Variants in RFX4 observed in about 807,000 individuals in gnomAD.
RFX4 encodes the protein regulatory factor X4.
In RFX4, 10 loss-of-function variants were observed where a neutral mutation model predicts 95.0. That is an observed-to-expected ratio of 0.11 (90% confidence interval 0.06 to 0.18). The LOEUF (loss-of-function observed/expected upper bound fraction) is 0.18. Among genes scored for constraint, RFX4 ranks in the 10% least tolerant of loss-of-function variants. The pLI is 1.00. For missense variants in RFX4, 640 were observed against 922.0 expected (o/e 0.69, Z 3.96); for synonymous variants, 321 against 340.7 (o/e 0.94, Z 0.64).
chr12:106,715,287 C>T, intron 10 of RFX4, 113 bp from the exon 11 acceptor site: 1 of 1,236,318 alleles, frequency 8.1e-7, no homozygotes, highest in Non-Finnish European at 1.1e-6. Context: ...CCCGGAATTT[C>T]AGGGTAGTTT....
At chr12:106,700,413 T>C (rs1230185517) in intron 8 of RFX4, among the ~76,000 whole-genome samples, 5 of 145,306 alleles carry the variant, frequency 3.4e-5, no homozygotes, top group African/African-American at 1.0e-4. Context: ...CTTTTTTTTT[T>C]TTTTTTTTTT....
At chr12:106,730,533 C>T (rs559512394) in intron 13 of RFX4, among the ~76,000 whole-genome samples, 2 of 152,276 alleles carry the variant, frequency 1.3e-5, no homozygotes, top group South Asian at 4.1e-4. Flanking sequence ...GAGGATAATA[C>T]CATCTACCTC....
chr12:106,608,046 A>G (rs2137201218), intron 1 of RFX4, among the ~76,000 whole-genome samples: 2 of 152,226 alleles, frequency 1.3e-5, no homozygotes, highest in Non-Finnish European at 2.9e-5. Context: ...TACAAAAATT[A>G]GCCGAACTTG....
chr12:106,680,231 AT>A (rs1179982839), intron 4 of RFX4, among the ~76,000 whole-genome samples: 1 of 152,172 alleles, frequency 6.6e-6, no homozygotes, highest in Non-Finnish European at 1.5e-5. Context: ...ATGCTGCGGC[AT>A]CCATTCTCCA....
intron 3 of RFX4, among the ~76,000 whole-genome samples, chr12:106,640,538 G>T (rs560684074): frequency 6.6e-6 from 1 of 152,180 alleles, no homozygotes; most frequent in African/African-American, 2.4e-5. Flanking sequence ...GTTTTCAAGA[G>T]CTCTATTTCC....
chr12:106,751,757 G>A (rs1462096894), intron 17 of RFX4, among the ~76,000 whole-genome samples: 4 of 152,118 alleles, frequency 2.6e-5, no homozygotes, highest in Admixed American at 6.5e-5. Flanking sequence ...GTCTGTTCAT[G>A]TCCTTAGCCC....
intron 15 of RFX4, 52 bp downstream of exon 15, chr12:106,733,137 C>A: frequency 6.3e-7 from 1 of 1,587,008 alleles, no homozygotes; most frequent in Non-Finnish European, 8.6e-7. Context: ...GAAGAAAGGG[C>A]TTTCTGCCAG....
chr12:106,654,671 C>T (rs1390794406), intron 4 of RFX4, among the ~76,000 whole-genome samples: 1 of 152,164 alleles, frequency 6.6e-6, no homozygotes, highest in Non-Finnish European at 1.5e-5. Context: ...GGACAGGCAA[C>T]CTGCTTGGCT....
chr12:106,610,237 C>CAAA (rs398044781), intron 2 of RFX4, among the ~76,000 whole-genome samples: 139 of 77,278 alleles, frequency 1.8e-3, no homozygotes, highest in Non-Finnish European at 2.2e-3. Flanking sequence ...GACTCCATCT[C>CAAA]AAAAAAAAAA....
chr12:106,705,465 G>T (rs1565987510), intron 8 of RFX4, among the ~76,000 whole-genome samples: 1 of 151,970 alleles, frequency 6.6e-6, no homozygotes, highest in Non-Finnish European at 1.5e-5. Context: ...GAGGAAGGAG[G>T]TCGAGCTGCA....
At chr12:106,593,139 G>A (rs181209971) in intron 1 of RFX4, among the ~76,000 whole-genome samples, 44 of 152,246 alleles carry the variant, frequency 2.9e-4, no homozygotes, top group African/African-American at 4.3e-4. Flanking sequence ...ATTGTGCCTC[G>A]GAGCAATCAA....
chr12:106,592,593 A>T (rs1302655010), intron 1 of RFX4, among the ~76,000 whole-genome samples: 2 of 152,024 alleles, frequency 1.3e-5, no homozygotes, highest in Admixed American at 1.3e-4. Context: ...CACATTTTTC[A>T]TGCCTCTTCC....
intron 9 of RFX4, among the ~76,000 whole-genome samples, chr12:106,710,005 A>C (rs2042161735): frequency 6.6e-6 from 1 of 152,142 alleles, no homozygotes; most frequent in Admixed American, 6.6e-5. Context: ...AGGGATTGAG[A>C]CTGTGAACCT....
intron 4 of RFX4, among the ~76,000 whole-genome samples, chr12:106,671,674 T>C (rs984093328): frequency 1.3e-5 from 2 of 152,068 alleles, no homozygotes; most frequent in Non-Finnish European, 2.9e-5. Context: ...TTCTTTCTTT[T>C]GTTTGGAGAT....
chr12:106,753,489 G>A (rs933697550), intron 17 of RFX4, among the ~76,000 whole-genome samples: 1 of 152,110 alleles, frequency 6.6e-6, no homozygotes, highest in African/African-American at 2.4e-5. Context: ...TGACGCGCAC[G>A]GAGACCCTAA....
At chr12:106,604,309 A>T (rs1376978646) in intron 1 of RFX4, among the ~76,000 whole-genome samples, 2 of 150,998 alleles carry the variant, frequency 1.3e-5, no homozygotes, top group Non-Finnish European at 3.0e-5. Flanking sequence ...TTTAGTAGAG[A>T]CGGGGTTTCG....
At position 106,761,847 on chromosome 12, in the gene RFX4, TGGATACTG is replaced by T; in HGVS notation, c.*380_*387del. On this transcript the variant is annotated 3_prime_UTR_variant, in exon 18 of 18. Transcript: ENST00000392842. ...ACAAAATCTCTTTAGTCTTGAAGGA[TGGATACTG>T]GAGACAGAATCTGGTTTGTGTTCTT... The T allele has an allele frequency of 6.5e-6, 1 of 153,820 alleles. No individual in the cohort carries two copies. Among genetic ancestry groups the T allele is most frequent in the East Asian group, 1.9e-4 (1 of 5,256 alleles). 9.5% of individuals were successfully genotyped at this position (153,820 alleles called of 1,614,324 possible). A position where few individuals can be genotyped will look rare whatever the true frequency, so the allele number is the denominator to read the frequency against.
intron 4 of RFX4, among the ~76,000 whole-genome samples, chr12:106,670,331 C>T (rs1274113535): frequency 6.6e-6 from 1 of 152,102 alleles, no homozygotes; most frequent in South Asian, 2.1e-4. Flanking sequence ...TGTAACTCAC[C>T]TCATTCTAGC....
chr12:106,704,305 CTG>C (rs1234186900), intron 8 of RFX4, among the ~76,000 whole-genome samples: 2 of 152,262 alleles, frequency 1.3e-5, no homozygotes, highest in South Asian at 2.1e-4. Context: ...CCAAAGGAGA[CTG>C]TTAAAAAAAT....
Sources: gnomAD v4.1 joint callset for allele counts (sites outside exome capture counted in the v4.1 genomes callset) on GRCh38, gnomAD v4.1.1 for gene constraint, MANE v1.5 for transcripts, NCBI Gene and HGNC (gene_info 2026-07-23, HGNC 2026-07-21) for gene names.